Variants in NEDD9 observed in about 807,000 individuals in gnomAD.
NEDD9 encodes neural precursor cell expressed, developmentally down-regulated 9.
Under a neutral mutation model 76.6 loss-of-function variants are expected in NEDD9, and 26 were observed. The observed-to-expected ratio is 0.34, with a 90% CI of 0.25 to 0.47. The LOEUF is 0.47. Among genes scored for constraint, NEDD9 ranks in the 20% least tolerant of loss-of-function variants. The probability of loss-of-function intolerance (pLI) is 1.00; values close to 1 mark genes in which losing one functional copy is unlikely to be tolerated. For missense variants in NEDD9, 937 were observed against 1,058.5 expected, an observed-to-expected ratio of 0.89 and a Z score of 1.59; for synonymous variants, 392 against 414.2, an observed-to-expected ratio of 0.95 and a Z score of 0.65.
chr6:11,330,858 G>A (rs971493327), intron 2 of NEDD9, among the ~76,000 whole-genome samples: 1 of 152,216 alleles, frequency 6.6e-6, no homozygotes, highest in African/African-American at 2.4e-5. Context: ...GGCACCCCAA[G>A]CAAGTAAGCA....
chr6:11,291,957 C>A (rs1760785015), intron 3 of NEDD9, among the ~76,000 whole-genome samples: 1 of 152,106 alleles, frequency 6.6e-6, no homozygotes, highest in South Asian at 2.1e-4. Flanking sequence ...CCTTTGAGTT[C>A]TCTGTCATTG....
chr6:11,281,692 C>G (rs904394528), intron 3 of NEDD9, among the ~76,000 whole-genome samples: 1 of 152,148 alleles, frequency 6.6e-6, no homozygotes, highest in African/African-American at 2.4e-5. Context: ...AAATCTTGGT[C>G]CTTGATATGT....
chr6:11,271,347 T>G (rs1760304644), intron 3 of NEDD9: 1 of 152,334 alleles, frequency 6.6e-6, no homozygotes, highest in Admixed American at 6.5e-5. Context: ...CAGATCCCTT[T>G]GCTGATCCAT....
chr6:11,336,730 ACTT>A (rs1561839739), intron 1 of NEDD9, among the ~76,000 whole-genome samples: 1 of 152,204 alleles, frequency 6.6e-6, no homozygotes, highest in African/African-American at 2.4e-5. Context: ...GCTTACTATA[ACTT>A]CTTCTACTTT....
upstream of NEDD9, among the ~76,000 whole-genome samples, chr6:11,236,045 T>TTTA (rs1759592558): frequency 6.6e-6 from 1 of 152,216 alleles, no homozygotes; most frequent in Non-Finnish European, 1.5e-5. This position sits in a 1 kb window ranked among gnomAD's most constrained non-coding sequence, Gnocchi z 5.5. Context: ...ATTAGTGTCA[T>TTTA]TTAGTATGTT....
intron 3 of NEDD9, among the ~76,000 whole-genome samples, chr6:11,288,444 A>G (rs913166455): frequency 6.6e-6 from 1 of 152,240 alleles, no homozygotes; most frequent in Non-Finnish European, 1.5e-5. Flanking sequence ...GAGCCAAATT[A>G]TCACAAGGTT....
intron 3 of NEDD9, chr6:11,305,086 A>T: frequency 7.8e-7 from 1 of 1,287,582 alleles, no homozygotes; most frequent in Non-Finnish European, 1.0e-6. Flanking sequence ...TTGCCCAGAA[A>T]GGAGATTGGG....
Position 11,370,717 on chromosome 6 carries a change from A to T in NEDD9, c.-214+11422T>A. On this transcript the variant is annotated intron_variant, in intron 1 of 3. Transcript: ENST00000397378. This position sits in a 1 kb window ranked among gnomAD's most constrained non-coding sequence, Gnocchi z 4.2. ...CACTGGCTCACTCACTCGTTCCTTC[A>T]GCAGATGTCCCTCCAGCACCTCCCA... 6.6e-6 allele frequency among the ~76,000 whole-genome samples: 1 copy of T among 152,168 alleles called. No individual in the cohort carries two copies. The highest frequency in any genetic ancestry group is 1.9e-4 in the East Asian group (1 of 5,204).
intron 3 of NEDD9, among the ~76,000 whole-genome samples, chr6:11,255,696 G>T (rs1239703935): frequency 6.6e-6 from 1 of 152,076 alleles, no homozygotes; most frequent in African/African-American, 2.4e-5. Context: ...CCACATAGCC[G>T]CTGGAGCCAT....
intron 3 of NEDD9, among the ~76,000 whole-genome samples, chr6:11,294,930 G>GT (rs1177971687): frequency 1.3e-5 from 2 of 152,222 alleles, no homozygotes; most frequent in Non-Finnish European, 2.9e-5. Flanking sequence ...TTCCCGTGCT[G>GT]TTCTTATGGC....
intron 2 of NEDD9, among the ~76,000 whole-genome samples, chr6:11,322,811 A>T (rs9368650): frequency 0.29 from 43,917 of 152,000 alleles, 7,409 homozygotes; most frequent in East Asian, 0.64. Flanking sequence ...AGGCCTGGGG[A>T]CCTGCATTGT....
chr6:11,198,058 G>GA lies in NEDD9; in HGVS notation c.460-4367dup, dbSNP rs771647882. On this transcript the variant is annotated intron_variant, in intron 2 of 6. Coordinates refer to ENST00000379446, the MANE Select transcript of NEDD9 (RefSeq NM_006403.4). This position sits in a 1 kb window ranked among gnomAD's most constrained non-coding sequence, Gnocchi z 4.7. ...GACCGAGCAAGCAGGGTGTAGGGAA[G>GA]AAACAAGCCAGGCTTTGGTGCCGGG... Among the ~76,000 whole-genome samples the GA allele has an allele frequency of 6.6e-5, 10 of 152,050 alleles. No homozygotes were observed. The highest frequency in any genetic ancestry group is 1.3e-4 in the Non-Finnish European group (9 of 67,998).
In NEDD9 at chr6:11,366,566, G is replaced by A. The variant is rs146152842; in HGVS notation, c.-214+15573C>T. Among the ~76,000 whole-genome samples the A allele has an allele frequency of 4.6e-5, 7 of 152,288 alleles. No individual in the cohort carries two copies. In the East Asian group the frequency reaches 1.4e-3, roughly 29 times the overall value. On this transcript the variant is annotated intron_variant, in intron 1 of 3. Transcript: ENST00000397378. Reference sequence around the variant, plus strand: ...ATTTTCTCATGGGATAGCCATTAGAGGTTGGCACTTTAAAAGCAATGTATG... The same window carrying A: ...ATTTTCTCATGGGATAGCCATTAGAAGTTGGCACTTTAAAAGCAATGTATG...
At chr6:11,254,297 T>A (rs1199860753) in intron 3 of NEDD9, among the ~76,000 whole-genome samples, 1 of 151,912 alleles carries the variant, frequency 6.6e-6, no homozygotes, top group Non-Finnish European at 1.5e-5. Flanking sequence ...ATTTTTGTAT[T>A]TTTAGTAGAG....
intron 3 of NEDD9, among the ~76,000 whole-genome samples, chr6:11,290,025 C>T (rs868659049): frequency 6.6e-6 from 1 of 152,206 alleles, no homozygotes; most frequent in African/African-American, 2.4e-5. Flanking sequence ...TCCATTAGCA[C>T]TTGTGTAGAC....
At position 11,198,913 on chromosome 6, in the gene NEDD9, T is replaced by A. The variant is rs1758356832; in HGVS notation, c.460-5221A>T. 6.6e-6 allele frequency: 1 copy of A among 152,244 alleles called. No individual in the cohort carries two copies. Among genetic ancestry groups the A allele is most frequent in the Non-Finnish European group, 1.5e-5 (1 of 68,086 alleles). 9.4% of individuals were successfully genotyped at this position (152,244 alleles called of 1,614,324 possible). A position where few individuals can be genotyped will look rare whatever the true frequency, so the allele number is the denominator to read the frequency against. On this transcript the variant is annotated intron_variant, in intron 2 of 6. Transcript: ENST00000379446. This position sits in a 1 kb window ranked among gnomAD's most constrained non-coding sequence, Gnocchi z 4.7. ...ATGGTAGTGTTGGGCAAGAGAGGGA[T>A]CCAAGAAGGCAAGGGAATGTTAGGT...
At chr6:11,193,725 C>G in intron 2 of NEDD9, 33 bp from the exon 3 acceptor site, 1 of 1,528,860 alleles carries the variant, frequency 6.5e-7, no homozygotes, top group Non-Finnish European at 9.1e-7. Flanking sequence ...GTGTAAATTT[C>G]CAAGCCTGAG....
chr6:11,348,914 A>G (rs1246816774), intron 1 of NEDD9, among the ~76,000 whole-genome samples: 1 of 152,254 alleles, frequency 6.6e-6, no homozygotes, highest in East Asian at 1.9e-4. Context: ...AAAAGCAAAA[A>G]TTGACAAATG....
intron 2 of NEDD9, among the ~76,000 whole-genome samples, chr6:11,321,187 A>C (rs1216254295): frequency 6.5e-5 from 9 of 137,498 alleles, no homozygotes; most frequent in African/African-American, 8.1e-5. Flanking sequence ...GAGGGAGGGA[A>C]AGAAGGAAGG....
Sources: allele counts gnomAD v4.1 joint callset (sites outside exome capture counted in the v4.1 genomes callset), GRCh38; gene constraint gnomAD v4.1.1; non-coding constraint Gnocchi (gnomAD v3.1); transcripts MANE v1.5; gene names NCBI Gene and HGNC (gene_info 2026-07-23, HGNC 2026-07-21).